Variants in PARN observed in about 807,000 individuals in gnomAD.
PARN encodes poly(A)-specific ribonuclease PARN.
A neutral mutation model predicts 102.8 loss-of-function variants in PARN; 71 were observed. The ratio of observed to expected loss-of-function variants is 0.69; its 90% CI spans 0.57 to 0.84. The LOEUF (loss-of-function observed/expected upper bound fraction) is 0.84. Ranked by LOEUF, PARN falls within the 40% of genes least tolerant of loss-of-function variation. PARN has a pLI of 0.00. For synonymous variants in PARN, 261 were observed against 252.9 expected, an observed-to-expected ratio of 1.03 and a Z score of -0.30; for missense variants, 782 against 760.9, an observed-to-expected ratio of 1.03 and a Z score of -0.33.
intron 21 of PARN, among the ~76,000 whole-genome samples, chr16:14,498,130 A>AG (rs1380056096): frequency 6.6e-6 from 1 of 151,844 alleles, no homozygotes; most frequent in Non-Finnish European, 1.5e-5. Context: ...CTCAAAAAAA[A>AG]AAAAAAAAAA....
intron 21 of PARN, among the ~76,000 whole-genome samples, chr16:14,548,677 G>A (rs183293589): frequency 5.9e-5 from 9 of 152,282 alleles, no homozygotes; most frequent in Admixed American, 2.0e-4. Context: ...ATCAGAGGCC[G>A]GGTGCAGTGG....
At chr16:14,594,153 A>G (rs970607720) in intron 12 of PARN, among the ~76,000 whole-genome samples, 1 of 152,180 alleles carries the variant, frequency 6.6e-6, no homozygotes, top group Non-Finnish European at 1.5e-5. Context: ...AAAATAACTA[A>G]TTTCTAACTA....
intron 21 of PARN, among the ~76,000 whole-genome samples, chr16:14,550,538 ATGC>A (rs1967229397): frequency 6.6e-6 from 1 of 152,216 alleles, no homozygotes; most frequent in South Asian, 2.1e-4. Context: ...CTGTTAAGTG[ATGC>A]TGCAGTATGA....
At chr16:14,544,264 T>C (rs775747980) in intron 21 of PARN, among the ~76,000 whole-genome samples, 5 of 152,256 alleles carry the variant, frequency 3.3e-5, no homozygotes, top group East Asian at 1.9e-4. Flanking sequence ...CAGATAGGTC[T>C]AGAATAAATA....
rs151249318 is a variant in PARN, at chr16:14,604,434, T to C, written c.703-208A>G. ...TGCCACCACACCCGGCTAATTTTTG[T>C]ATTTTTAGTAGAGACGGAGTTTCTC... On this transcript the variant is annotated intron_variant, in intron 10 of 23. Transcript: ENST00000437198. Among the ~76,000 whole-genome samples the C allele has an allele frequency of 8.2e-3, 1,255 of 152,152 alleles. 20 individuals carry two copies. The highest frequency in any genetic ancestry group is 0.028 in the African/African-American group (1,175 of 41,478).
chr16:14,447,181 C>A, intron 22 of PARN, 100 bp from the exon 23 acceptor site: 1 of 716,000 alleles, frequency 1.4e-6, no homozygotes, highest in East Asian at 3.0e-5. Context: ...TAACACTCAG[C>A]CAGCCATCAA....
chr16:14,462,645 A>T (rs1308399114), intron 22 of PARN, among the ~76,000 whole-genome samples: 2 of 147,026 alleles, frequency 1.4e-5, no homozygotes, highest in African/African-American at 5.2e-5. Flanking sequence ...ATTGAGAGAC[A>T]GAGAGAGAAG....
At chr16:14,518,925 T>C (rs1965597652) in intron 21 of PARN, among the ~76,000 whole-genome samples, 2 of 152,104 alleles carry the variant, frequency 1.3e-5, no homozygotes, top group Admixed American at 1.3e-4. Context: ...CCAGAAGCTA[T>C]CAGACTGTGC....
intron 23 of PARN, among the ~76,000 whole-genome samples, chr16:14,441,554 G>A (rs1410781986): frequency 6.6e-6 from 1 of 152,198 alleles, no homozygotes; most frequent in East Asian, 1.9e-4. Context: ...ACGCTGAAGG[G>A]GGTACGCCCT....
intron 21 of PARN, among the ~76,000 whole-genome samples, chr16:14,549,704 TTTCAAAGCACTC>T (rs1967176247): frequency 6.6e-6 from 1 of 152,204 alleles, no homozygotes; most frequent in Non-Finnish European, 1.5e-5. Context: ...GTTTTACAGA[TTTCAAAGCACTC>T]TTACACACTG....
intron 17 of PARN, among the ~76,000 whole-genome samples, 180 bp from the exon 18 acceptor site, chr16:14,581,123 G>T (rs151141278): frequency 1.3e-5 from 2 of 152,232 alleles, no homozygotes; most frequent in Non-Finnish European, 2.9e-5. Context: ...CGCAATCTCG[G>T]TTCACTGAAA....
At chr16:14,528,062 T>C (rs969548375) in intron 21 of PARN, among the ~76,000 whole-genome samples, 4 of 152,224 alleles carry the variant, frequency 2.6e-5, no homozygotes, top group Non-Finnish European at 5.9e-5. Flanking sequence ...AAATACAGAA[T>C]CTGTGAATAA....
At chr16:14,491,895 T>G (rs1490057781) in intron 21 of PARN, among the ~76,000 whole-genome samples, 1 of 152,262 alleles carries the variant, frequency 6.6e-6, no homozygotes, top group African/African-American at 2.4e-5. Flanking sequence ...GGATACAAAC[T>G]TATACATTTT....
intron 21 of PARN, among the ~76,000 whole-genome samples, chr16:14,512,191 G>A (rs1472388339): frequency 2.6e-5 from 4 of 152,130 alleles, no homozygotes; most frequent in Non-Finnish European, 5.9e-5. Context: ...TGTCATGACT[G>A]TGCTAAGTGT....
At chr16:14,623,018 CACTTG>C (rs1754516571) in intron 5 of PARN, among the ~76,000 whole-genome samples, 1 of 151,230 alleles carries the variant, frequency 6.6e-6, no homozygotes, top group Admixed American at 6.6e-5. Flanking sequence ...GCAGGAGGAT[CACTTG>C]AGCTGGTGAG....
chr16:14,630,148 G>T lies in PARN; in HGVS notation c.-23C>A. ...CATTCTGCAGAGTGGCCGGAACCTTGGCCCCACCCGGGCCCGCGCCCGCCT... is the reference window on the plus strand; with the variant it reads ...CATTCTGCAGAGTGGCCGGAACCTTTGCCCCACCCGGGCCCGCGCCCGCCT... On this transcript the variant is annotated 5_prime_UTR_variant, in exon 1 of 24. Transcript: ENST00000437198. 6.4e-7 allele frequency: 1 copy of T among 1,553,662 alleles called. No homozygotes were observed. Among genetic ancestry groups the T allele is most frequent in the Non-Finnish European group, 8.7e-7 (1 of 1,147,598 alleles).
intron 13 of PARN, among the ~76,000 whole-genome samples, chr16:14,589,941 C>T (rs1970073379): frequency 6.6e-6 from 1 of 151,422 alleles, no homozygotes; most frequent in South Asian, 2.1e-4. Flanking sequence ...TAAACATTAG[C>T]TCATTAGACT....
chr16:14,532,698 G>C (rs926756824), intron 21 of PARN, among the ~76,000 whole-genome samples: 2 of 151,876 alleles, frequency 1.3e-5, no homozygotes, highest in African/African-American at 4.8e-5. Flanking sequence ...TCCCAGACGG[G>C]GGGGCGACCG....
At chr16:14,571,861 C>T (rs1968834048) in intron 18 of PARN, among the ~76,000 whole-genome samples, 1 of 152,140 alleles carries the variant, frequency 6.6e-6, no homozygotes, top group Non-Finnish European at 1.5e-5. Flanking sequence ...AGGAGCAGAG[C>T]CGGGATTCAA....
Sources: gnomAD v4.1 joint callset for allele counts (sites outside exome capture counted in the v4.1 genomes callset) on GRCh38, gnomAD v4.1.1 for gene constraint, MANE v1.5 for transcripts, NCBI Gene and HGNC (gene_info 2026-07-23, HGNC 2026-07-21) for gene names.